PDE4D: variants seen among roughly 807,000 people sequenced by gnomAD.
PDE4D encodes phosphodiesterase 4D, also known as 3',5'-cyclic-AMP phosphodiesterase 4D.
PDE4D carries 24 observed loss-of-function variants against 87.4 expected under a neutral mutation model. The ratio of observed to expected loss-of-function variants is 0.27; its 90% CI spans 0.20 to 0.39. The LOEUF (loss-of-function observed/expected upper bound fraction) is 0.39. PDE4D is among the 10% of genes least tolerant of loss of function. PDE4D has a pLI of 1.00. For synonymous variants in PDE4D, 384 were observed against 383.2 expected (o/e 1.00, Z -0.02); for missense variants, 714 against 1,041.0 (o/e 0.69, Z 4.32).
chr5:59,962,572 T>C (rs1759594354), intron 3 of PDE4D, among the ~76,000 whole-genome samples: 1 of 152,098 alleles, frequency 6.6e-6, no homozygotes, highest in South Asian at 2.1e-4. Context: ...TAAGAATGTA[T>C]ATGACATTAC....
chr5:60,334,010 A>G (rs1202337908), intron 1 of PDE4D, among the ~76,000 whole-genome samples: 1 of 152,188 alleles, frequency 6.6e-6, no homozygotes, highest in African/African-American at 2.4e-5. Context: ...ACAGTGCCCA[A>G]TCACTGATTC....
intron 1 of PDE4D, among the ~76,000 whole-genome samples, chr5:60,189,107 G>A (rs1187065192): frequency 2.6e-5 from 4 of 152,188 alleles, no homozygotes; most frequent in East Asian, 3.8e-4. Context: ...ACACTCACAC[G>A]TGCAATTTCG....
chr5:59,326,462 A>AACAT (rs1368041204), intron 1 of PDE4D, among the ~76,000 whole-genome samples: 1 of 152,130 alleles, frequency 6.6e-6, no homozygotes, highest in Non-Finnish European at 1.5e-5. Context: ...ATAACTATTA[A>AACAT]ATACTTAAAA....
intron 1 of PDE4D, among the ~76,000 whole-genome samples, chr5:60,515,618 TTC>T (rs58497085): frequency 2.7e-5 from 4 of 149,600 alleles, no homozygotes; most frequent in African/African-American, 9.9e-5. Flanking sequence ...TTTTTTTTTT[TTC>T]TGTCAGGATG....
intron 1 of PDE4D, among the ~76,000 whole-genome samples, chr5:59,786,777 G>C (rs1399872687): frequency 6.6e-6 from 1 of 152,150 alleles, no homozygotes; most frequent in Non-Finnish European, 1.5e-5. Context: ...GGATTGGTGA[G>C]ATGCTTTTTC....
intron 5 of PDE4D, among the ~76,000 whole-genome samples, chr5:59,043,157 A>G (rs572936370): frequency 6.6e-6 from 1 of 152,346 alleles, no homozygotes; most frequent in African/African-American, 2.4e-5. Flanking sequence ...ATACATGAAG[A>G]GAACAAGTCC....
chr5:60,250,137 G>A (rs1314702503), intron 1 of PDE4D, among the ~76,000 whole-genome samples: 1 of 151,914 alleles, frequency 6.6e-6, no homozygotes, highest in African/African-American at 2.4e-5. Context: ...TGAAACTGGA[G>A]TCAACATTAA....
At chr5:60,105,513 G>A (rs998856991) in intron 2 of PDE4D, among the ~76,000 whole-genome samples, 4 of 151,988 alleles carry the variant, frequency 2.6e-5, no homozygotes, top group African/African-American at 4.8e-5. Flanking sequence ...CACAGAGAAC[G>A]CCACAAAGAT....
At chr5:60,491,692 T>C (rs1055545667), upstream of PDE4D, among the ~76,000 whole-genome samples, 2 of 152,008 alleles carry the variant, frequency 1.3e-5, no homozygotes, top group African/African-American at 4.8e-5. Context: ...ATGTGGGGAG[T>C]GCATTCTTAA....
At chr5:60,286,905 G>A (rs1212189169) in intron 1 of PDE4D, among the ~76,000 whole-genome samples, 1 of 152,116 alleles carries the variant, frequency 6.6e-6, no homozygotes, top group Non-Finnish European at 1.5e-5. Flanking sequence ...GCCACAAAGG[G>A]ATGAGAACTT....
Position 59,625,072 on chromosome 5 carries a change from T to G in PDE4D, c.455+268096A>C, listed in dbSNP as rs570398156. Among the ~76,000 whole-genome samples the G allele has an allele frequency of 6.6e-5, 10 of 152,308 alleles. No homozygotes were observed. In the East Asian group the frequency reaches 1.7e-3, roughly 26 times the overall value. On this transcript the variant is annotated intron_variant, in intron 1 of 14. Coordinates refer to ENST00000340635, the MANE Select transcript of PDE4D (RefSeq NM_001104631.2). ...GGAATTTTTGTAGATGCAATTAAGG[T>G]TACTAATCAGCTGACCTTAAGATAA...
intron 2 of PDE4D, among the ~76,000 whole-genome samples, chr5:60,167,266 C>CTTTTTTTTTTT (rs142613050): frequency 1.3e-4 from 11 of 86,492 alleles, no homozygotes; most frequent in Admixed American, 1.6e-4. Context: ...TGTGTATTTT[C>CTTTTTTTTTTT]TTTTTTTTTT....
intron 1 of PDE4D, among the ~76,000 whole-genome samples, chr5:59,699,708 G>C (rs1481901714): frequency 6.6e-6 from 1 of 152,114 alleles, no homozygotes; most frequent in Non-Finnish European, 1.5e-5. Flanking sequence ...TATGGACACT[G>C]ACTTTTGTCA....
chr5:60,198,040 A>ATTTT (rs5868224), intron 1 of PDE4D, among the ~76,000 whole-genome samples: 2 of 144,484 alleles, frequency 1.4e-5, no homozygotes, highest in African/African-American at 5.0e-5. Flanking sequence ...AAGAATTTGG[A>ATTTT]TTTTTTTTTT....
chr5:59,267,796 C>A (rs1169954348), intron 1 of PDE4D, among the ~76,000 whole-genome samples: 1 of 152,048 alleles, frequency 6.6e-6, no homozygotes, highest in South Asian at 2.1e-4. Flanking sequence ...AAGATGCAAT[C>A]CTTGGTGTGC....
At chr5:59,266,148 G>C (rs567389169) in intron 1 of PDE4D, among the ~76,000 whole-genome samples, 96 of 151,990 alleles carry the variant, frequency 6.3e-4, no homozygotes, top group African/African-American at 2.3e-3. Context: ...TGTAGTCCCA[G>C]TTACTGGGAA....
intron 1 of PDE4D, among the ~76,000 whole-genome samples, chr5:60,217,419 T>A (rs1743984554): frequency 6.6e-6 from 1 of 152,038 alleles, no homozygotes; most frequent in Non-Finnish European, 1.5e-5. Context: ...ATTTTATGTA[T>A]GTGAATATTA....
chr5:59,668,804 A>AAAGAAGAAG lies in PDE4D; in HGVS notation c.455+224355_455+224363dup, dbSNP rs569736039. On this transcript the variant is annotated intron_variant, in intron 1 of 14. Transcript: ENST00000340635. ...AAGAAGAAGAAGAAAGAAGAAGAAG[A>AAAGAAGAAG]AAGAAGAAGAAGAAGAAGAAGAAGA... is the stretch of plus-strand genomic sequence containing the variant. Among the ~76,000 whole-genome samples the AAAGAAGAAG allele has an allele frequency of 2.9e-4, 31 of 108,204 alleles. 2 individuals carry two copies. The highest frequency in any genetic ancestry group is 1.1e-3 in the African/African-American group (28 of 24,666). 71.0% of individuals were successfully genotyped at this position (108,204 alleles called of 152,430 possible). A position where few individuals can be genotyped will look rare whatever the true frequency, so the allele number is the denominator to read the frequency against.
intron 1 of PDE4D, among the ~76,000 whole-genome samples, chr5:59,849,255 C>T (rs1219080952): frequency 2.6e-5 from 4 of 151,716 alleles, no homozygotes; most frequent in Non-Finnish European, 4.4e-5. Context: ...AGAAAAAAAT[C>T]ATTATTTAAT....
Sources: gnomAD v4.1 joint callset for allele counts (sites outside exome capture counted in the v4.1 genomes callset) on GRCh38, gnomAD v4.1.1 for gene constraint, MANE v1.5 for transcripts, NCBI Gene and HGNC (gene_info 2026-07-23, HGNC 2026-07-21) for gene names.